Variants in BABAM2 observed in about 807,000 individuals in gnomAD.
BABAM2 encodes the protein BRISC and BRCA1 A complex member 2.
Under a neutral mutation model 54.7 loss-of-function variants are expected in BABAM2, and 31 were observed. The ratio of observed to expected loss-of-function variants is 0.57; its 90% CI spans 0.43 to 0.77. The LOEUF is 0.77. BABAM2 is among the 30% of genes least tolerant of loss of function. The pLI, the probability that BABAM2 is intolerant of heterozygous loss-of-function variation, is 0.00. For missense variants in BABAM2, 364 were observed against 455.8 expected (o/e 0.80, Z 1.83); for synonymous variants, 167 against 162.9 (o/e 1.03, Z -0.19).
chr2:28,280,877 CG>C (rs935056406), intron 10 of BABAM2, among the ~76,000 whole-genome samples: 1 of 151,454 alleles, frequency 6.6e-6, no homozygotes, highest in African/African-American at 2.4e-5. Flanking sequence ...ATGAGTAAGG[CG>C]GGGGGGCAGT....
intron 5 of BABAM2, among the ~76,000 whole-genome samples, chr2:28,033,710 A>C (rs1023936404): frequency 6.6e-6 from 1 of 152,176 alleles, no homozygotes; most frequent in Non-Finnish European, 1.5e-5. Context: ...GCAACAAAGC[A>C]CAATAAGCAA....
intron 11 of BABAM2, among the ~76,000 whole-genome samples, chr2:28,303,484 A>G (rs565636007): frequency 2.0e-5 from 3 of 152,222 alleles, no homozygotes; most frequent in East Asian, 1.9e-4. Context: ...TCAAAAGTCA[A>G]TTAACCACAT....
At chr2:28,260,237 C>G (rs914546247) in intron 10 of BABAM2, among the ~76,000 whole-genome samples, 1 of 150,206 alleles carries the variant, frequency 6.7e-6, no homozygotes, top group Non-Finnish European at 1.5e-5. Flanking sequence ...TGTGTCTGTG[C>G]TTTCCCTTTA....
intron 6 of BABAM2, among the ~76,000 whole-genome samples, chr2:28,048,363 T>C (rs1001456573): frequency 2.6e-5 from 4 of 152,256 alleles, no homozygotes; most frequent in African/African-American, 9.6e-5. Flanking sequence ...AATATTGTAT[T>C]GTAAACATAT....
intron 7 of BABAM2, among the ~76,000 whole-genome samples, chr2:28,187,113 A>G (rs1676393511): frequency 1.3e-5 from 2 of 152,150 alleles, no homozygotes; most frequent in Admixed American, 6.6e-5. Flanking sequence ...CCGGAATTCA[A>G]CATTTTTAAT....
intron 10 of BABAM2, among the ~76,000 whole-genome samples, chr2:28,265,991 CT>C (rs893551967): frequency 5.6e-4 from 81 of 145,578 alleles, no homozygotes; most frequent in Admixed American, 5.5e-4. Context: ...TAGTTTTCTT[CT>C]TTTTTTTTTT....
chr2:28,054,253 GT>G (rs1164855494), intron 6 of BABAM2, among the ~76,000 whole-genome samples: 14 of 152,024 alleles, frequency 9.2e-5, no homozygotes, highest in Non-Finnish European at 1.6e-4. Context: ...CTCTGTTTAT[GT>G]TTGATTAGTA....
chr2:27,890,371 T>G (rs561164535), upstream of BABAM2: 2 of 1,606,040 alleles, frequency 1.2e-6, no homozygotes, highest in Admixed American at 1.7e-5. This position sits in a 1 kb window ranked among gnomAD's most constrained non-coding sequence, Gnocchi z 4.8. Flanking sequence ...CTGTCCAACC[T>G]GGACGGTGAC....
chr2:28,155,205 C>T (rs1672433895), intron 7 of BABAM2, among the ~76,000 whole-genome samples: 1 of 152,082 alleles, frequency 6.6e-6, no homozygotes, highest in Non-Finnish European at 1.5e-5. Context: ...TAAAAACTAC[C>T]TCAACAGCTG....
intron 5 of BABAM2, among the ~76,000 whole-genome samples, chr2:28,030,435 G>A (rs1469104068): frequency 6.6e-6 from 1 of 152,204 alleles, no homozygotes; most frequent in African/African-American, 2.4e-5. Flanking sequence ...ACAAGGCAAA[G>A]CTTACAGCAG....
At chr2:28,068,250 C>T (rs947431340) in intron 6 of BABAM2, among the ~76,000 whole-genome samples, 1 of 152,156 alleles carries the variant, frequency 6.6e-6, no homozygotes, top group African/African-American at 2.4e-5. Flanking sequence ...ATGGCTATTG[C>T]ATTCCAATCT....
intron 7 of BABAM2, among the ~76,000 whole-genome samples, chr2:28,151,068 A>G (rs1671985014): frequency 6.6e-6 from 1 of 152,184 alleles, no homozygotes; most frequent in South Asian, 2.1e-4. Flanking sequence ...GTAGTTAATG[A>G]TGGATGAAGT....
chr2:28,182,089 GGA>G (rs1675701115), intron 7 of BABAM2, among the ~76,000 whole-genome samples: 1 of 152,160 alleles, frequency 6.6e-6, no homozygotes, highest in Admixed American at 6.5e-5. Flanking sequence ...ATGGAGCCAG[GGA>G]GAAAGATGAG....
At chr2:28,328,233 A>G (rs1690650246) in intron 11 of BABAM2, among the ~76,000 whole-genome samples, 1 of 152,180 alleles carries the variant, frequency 6.6e-6, no homozygotes, top group Non-Finnish European at 1.5e-5. Flanking sequence ...ACAAGGCAAG[A>G]CCACGAGGCA....
intron 10 of BABAM2, among the ~76,000 whole-genome samples, chr2:28,246,845 A>G (rs185224665): frequency 6.6e-6 from 1 of 152,362 alleles, no homozygotes; most frequent in East Asian, 1.9e-4. Context: ...CAGAGATAAA[A>G]GAACATTCAC....
At chr2:28,026,843 A>AATATATATTTATATATATATAGGT (rs1553414445) in intron 5 of BABAM2, among the ~76,000 whole-genome samples, 1 of 40,650 alleles carries the variant, frequency 2.5e-5, no homozygotes, top group Non-Finnish European at 4.7e-5. Flanking sequence ...AATATATATA[A>AATATATATTTATATATATATAGGT]ATATATATTT....
At chr2:28,087,386 A>G (rs930892950) in intron 6 of BABAM2, among the ~76,000 whole-genome samples, 1 of 152,196 alleles carries the variant, frequency 6.6e-6, no homozygotes, top group Non-Finnish European at 1.5e-5. Context: ...AAATGTGGAT[A>G]GAGACAGGAG....
At chr2:27,993,580 G>A (rs1573347376) in intron 4 of BABAM2, among the ~76,000 whole-genome samples, 1 of 152,138 alleles carries the variant, frequency 6.6e-6, no homozygotes, top group East Asian at 1.9e-4. Context: ...AACTTAAAAT[G>A]AAGTTGCATA....
intron 10 of BABAM2, among the ~76,000 whole-genome samples, chr2:28,286,544 G>A (rs972765316): frequency 3.9e-5 from 6 of 152,032 alleles, no homozygotes; most frequent in African/African-American, 1.2e-4. Context: ...GGGCCTCTAC[G>A]GTGACTGCTT....
Sources: gnomAD v4.1 joint callset for allele counts (sites outside exome capture counted in the v4.1 genomes callset) on GRCh38, gnomAD v4.1.1 for gene constraint, Gnocchi (gnomAD v3.1) non-coding constraint, MANE v1.5 for transcripts, NCBI Gene and HGNC (gene_info 2026-07-23, HGNC 2026-07-21) for gene names.